PIEZO2: variants seen among roughly 807,000 people sequenced by gnomAD.
The protein encoded by PIEZO2 is piezo type mechanosensitive ion channel component 2.
PIEZO2 carries 172 observed loss-of-function variants against 337.3 expected under a neutral mutation model. The ratio of observed to expected loss-of-function variants is 0.51; its 90% CI spans 0.45 to 0.58. The LOEUF is 0.58. Ranked by LOEUF, PIEZO2 falls within the 20% of genes least tolerant of loss-of-function variation. PIEZO2 has a pLI of 0.00. For missense variants in PIEZO2, 3,028 were observed against 3,391.3 expected (o/e 0.89, Z 2.66); for synonymous variants, 1,251 against 1,228.5 (o/e 1.02, Z -0.38).
Position 11,070,481 on chromosome 18 carries a change from T to G in PIEZO2, c.65-4259A>C, listed in dbSNP as rs1460711722. Among the ~76,000 whole-genome samples, 3 of 151,828 alleles carry G rather than the reference T, an allele frequency of 2.0e-5. No individual in the cohort carries two copies. The highest frequency in any genetic ancestry group is 7.3e-5 in the African/African-American group (3 of 41,296). On this transcript the variant is annotated intron_variant, in intron 1 of 55. Coordinates refer to ENST00000674853, the MANE Select transcript of PIEZO2 (RefSeq NM_001378183.1). This position sits in a 1 kb window ranked among gnomAD's most constrained non-coding sequence, Gnocchi z 4.3. ...TGTTTGTCTTAGCTCTGCCTACATGTGGGATGAGAGGGGGCAAGCAAACTG... is the reference window on the plus strand; with the variant it reads ...TGTTTGTCTTAGCTCTGCCTACATGGGGGATGAGAGGGGGCAAGCAAACTG...
At chr18:10,706,550 A>G (rs2143797734) in intron 40 of PIEZO2, among the ~76,000 whole-genome samples, 1 of 152,138 alleles carries the variant, frequency 6.6e-6, no homozygotes, top group East Asian at 1.9e-4. Flanking sequence ...ACTTTCTTCT[A>G]CCAGTTCCTC....
At chr18:10,937,357 C>A (rs2032463543) in intron 3 of PIEZO2, among the ~76,000 whole-genome samples, 2 of 152,088 alleles carry the variant, frequency 1.3e-5, no homozygotes, top group Admixed American at 6.5e-5. Flanking sequence ...GAGATATGTT[C>A]TTTGGAGCAG....
At chr18:11,142,346 C>T (rs1568411417) in intron 1 of PIEZO2, among the ~76,000 whole-genome samples, 1 of 152,222 alleles carries the variant, frequency 6.6e-6, no homozygotes. Context: ...TTATTAGACA[C>T]TGTGTCTCTG....
chr18:10,867,330 A>G (rs990788523), intron 5 of PIEZO2, among the ~76,000 whole-genome samples: 1 of 152,206 alleles, frequency 6.6e-6, no homozygotes, highest in Non-Finnish European at 1.5e-5. Flanking sequence ...CTTGAACCTC[A>G]GAGTTGAGAC....
chr18:11,098,544 T>C (rs35737999), intron 1 of PIEZO2, among the ~76,000 whole-genome samples: 13,772 of 149,246 alleles, frequency 0.092, 937 homozygotes, highest in African/African-American at 0.18. Flanking sequence ...AGTTTAAATG[T>C]ATTCCTCAAA....
chr18:11,060,618 A>G (rs1241167736), intron 2 of PIEZO2, among the ~76,000 whole-genome samples: 1 of 152,268 alleles, frequency 6.6e-6, no homozygotes, highest in Non-Finnish European at 1.5e-5. Context: ...ATCAGAGAAT[A>G]CTATAAACAC....
intron 2 of PIEZO2, among the ~76,000 whole-genome samples, chr18:10,992,176 A>T (rs568581388): frequency 5.3e-5 from 8 of 152,248 alleles, no homozygotes; most frequent in Admixed American, 5.2e-4. Flanking sequence ...CCCATTCTGT[A>T]GGTTGCCTGT....
chr18:10,930,301 G>A (rs77581925), intron 3 of PIEZO2, among the ~76,000 whole-genome samples: 1,799 of 152,182 alleles, frequency 0.012, 37 homozygotes, highest in African/African-American at 0.041. Context: ...GACTTCATCT[G>A]GATGACAAGA....
rs1442019638 is a variant in PIEZO2 at position 10,954,108 on chromosome 18, A to G, written c.286+25427T>C. ...CTATATAACTCAGTCTTGAAATCAG[A>G]TAGTGTAAATCTTCAAATTTTTATT... On this transcript the variant is annotated intron_variant, in intron 3 of 55. Transcript: ENST00000674853. The surrounding 1 kb of genome is among the most constrained non-coding windows in gnomAD (Gnocchi z 4.2). Among the ~76,000 whole-genome samples, 1 of 152,218 alleles carries G rather than the reference A, an allele frequency of 6.6e-6. No individual in the cohort carries two copies. The highest frequency in any genetic ancestry group is 1.9e-4 in the East Asian group (1 of 5,196).
At position 11,002,687 on chromosome 18, in the gene PIEZO2, G is replaced by A. The variant is rs994024454; in HGVS notation, c.161-23027C>T. Among the ~76,000 whole-genome samples, 20 of 152,138 alleles carry A rather than the reference G, an allele frequency of 1.3e-4. No individual in the cohort carries two copies. The highest frequency in any genetic ancestry group is 2.5e-4 in the Non-Finnish European group (17 of 68,026). ...TGCTTTGTTGCAATGTTTTACTGGC[G>A]GCGGCGGGGAACACATTCAGGCAGA... On this transcript the variant is annotated intron_variant, in intron 2 of 55. Coordinates refer to ENST00000674853, the MANE Select transcript of PIEZO2 (RefSeq NM_001378183.1). This position sits in a 1 kb window ranked among gnomAD's most constrained non-coding sequence, Gnocchi z 4.3.
chr18:10,726,627 G>C lies in PIEZO2; in HGVS notation c.5029+4780C>G, dbSNP rs2036556367. 7.5e-7 allele frequency: 1 copy of C among 1,340,454 alleles called. No individual in the cohort carries two copies. The highest frequency in any genetic ancestry group is 1.0e-6 in the Non-Finnish European group (1 of 997,390). The allele number at this position is 1,340,454 out of a possible 1,614,324, so 83.0% of individuals were successfully genotyped here. Reference sequence around the variant, plus strand: ...ACGTGCGGGACGCCGACGTGCGCTGGGAGTACTGCGCGCGCGCCAAGCGCG... The same window carrying C: ...ACGTGCGGGACGCCGACGTGCGCTGCGAGTACTGCGCGCGCGCCAAGCGCG... On this transcript the variant is annotated intron_variant, in intron 36 of 55. Coordinates refer to ENST00000674853, the MANE Select transcript of PIEZO2 (RefSeq NM_001378183.1). The surrounding 1 kb of genome is among the most constrained non-coding windows in gnomAD (Gnocchi z 5.9).
In PIEZO2 at chr18:10,857,051, A is replaced by G. The variant is rs1669232113; in HGVS notation, c.653T>C (p.Met218Thr). The G allele has an allele frequency of 9.8e-6, 15 of 1,537,258 alleles. No homozygotes were observed. Among genetic ancestry groups the G allele is most frequent in the African/African-American group, 1.4e-5 (1 of 73,046 alleles). Residue 218 changes from methionine to threonine, a missense_variant, in exon 6 of 56, where the codon ATG becomes ACG. Around this residue, in one of 5 missense-constraint regions of PIEZO2, gnomAD observed 542 missense variants for 605.6 expected, o/e 0.89. Transcript: ENST00000674853. Reference protein sequence around the residue: ...ASKLKEFIGNMITTAGKVVVT... With the variant: ...ASKLKEFIGNTITTAGKVVVT... ...AACGACTTTCCCAGCAGTGGTGATC[A>G]TGTTGCCAATGAACTCCTTGAGCTT...
intron 3 of PIEZO2, among the ~76,000 whole-genome samples, chr18:10,941,912 T>A (rs753155538): frequency 1.2e-4 from 18 of 152,132 alleles, no homozygotes; most frequent in Non-Finnish European, 2.1e-4. Flanking sequence ...GATGACTGAA[T>A]CATGGGGGGT....
intron 3 of PIEZO2, among the ~76,000 whole-genome samples, chr18:10,926,425 C>A (rs1424410445): frequency 6.6e-6 from 1 of 152,148 alleles, no homozygotes; most frequent in Non-Finnish European, 1.5e-5. Context: ...TTTTTGGTGA[C>A]TATCTTAGCA....
intron 48 of PIEZO2, among the ~76,000 whole-genome samples, chr18:10,690,183 G>C (rs2034746715): frequency 6.6e-6 from 1 of 152,054 alleles, no homozygotes; most frequent in Non-Finnish European, 1.5e-5. Context: ...TGGTGCACCT[G>C]GTAGGTTAAA....
chr18:10,699,360 A>G (rs1383050063), intron 43 of PIEZO2, among the ~76,000 whole-genome samples, 183 bp from the exon 44 acceptor site: 2 of 152,064 alleles, frequency 1.3e-5, no homozygotes, highest in Non-Finnish European at 2.9e-5. Context: ...ACCCGGTGGG[A>G]CGTAATTGAG....
intron 7 of PIEZO2, among the ~76,000 whole-genome samples, chr18:10,836,157 A>G (rs528308269): frequency 1.2e-4 from 18 of 152,318 alleles, no homozygotes; most frequent in South Asian, 1.0e-3. Context: ...GTTATGCTCC[A>G]GGATCACTCC....
At chr18:11,135,552 T>C (rs2040457854) in intron 1 of PIEZO2, among the ~76,000 whole-genome samples, 1 of 152,124 alleles carries the variant, frequency 6.6e-6, no homozygotes, top group African/African-American at 2.4e-5. Flanking sequence ...GATTGATTGA[T>C]TGATTGATTG....
chr18:10,763,176 A>T, intron 21 of PIEZO2, 78 bp from the exon 22 acceptor site: 1 of 1,421,270 alleles, frequency 7.0e-7, no homozygotes, highest in East Asian at 2.5e-5. Flanking sequence ...AAACAGGATG[A>T]CTTGATTTAC....
Sources: gnomAD v4.1 joint callset for allele counts (sites outside exome capture counted in the v4.1 genomes callset) on GRCh38, gnomAD v4.1.1 for gene constraint, gnomAD v4.1.1 regional missense constraint, Gnocchi (gnomAD v3.1) non-coding constraint, MANE v1.5 for transcripts, NCBI Gene and HGNC (gene_info 2026-07-23, HGNC 2026-07-21) for gene names.